Variants in ADAMTS6 observed in about 807,000 individuals in gnomAD.
The protein encoded by ADAMTS6 is ADAM metallopeptidase with thrombospondin type 1 motif 6.
ADAMTS6 carries 23 observed loss-of-function variants against 144.3 expected under a neutral mutation model. That is an observed-to-expected ratio of 0.16 (90% CI 0.11 to 0.23). The LOEUF is 0.23. Among genes scored for constraint, ADAMTS6 ranks in the 10% least tolerant of loss-of-function variants. ADAMTS6 has a pLI of 1.00. For synonymous variants in ADAMTS6, 444 were observed against 457.5 expected, an observed-to-expected ratio of 0.97 and a Z score of 0.38; for missense variants, 999 against 1,379.6, an observed-to-expected ratio of 0.72 and a Z score of 4.37.
intron 7 of ADAMTS6, among the ~76,000 whole-genome samples, chr5:65,400,918 A>G (rs1258098473): frequency 6.6e-6 from 1 of 152,120 alleles, no homozygotes; most frequent in Non-Finnish European, 1.5e-5. Flanking sequence ...TAGAATTTCC[A>G]TCTTTCTGCT....
intron 15 of ADAMTS6, among the ~76,000 whole-genome samples, chr5:65,239,217 G>A (rs145720532): frequency 2.4e-4 from 36 of 149,448 alleles, no homozygotes; most frequent in African/African-American, 8.7e-4. Flanking sequence ...GTATACATAT[G>A]TAACAAACCT....
intron 24 of ADAMTS6, among the ~76,000 whole-genome samples, chr5:65,159,671 T>C (rs1224865543): frequency 1.3e-5 from 2 of 152,256 alleles, no homozygotes; most frequent in East Asian, 3.8e-4. Flanking sequence ...CTGCTCATAT[T>C]GTCAAAATTA....
intron 7 of ADAMTS6, among the ~76,000 whole-genome samples, chr5:65,434,843 A>G (rs1757270256): frequency 6.6e-6 from 1 of 152,230 alleles, no homozygotes; most frequent in African/African-American, 2.4e-5. Flanking sequence ...CTTAGCAGAC[A>G]TAAAATGATT....
chr5:65,434,872 G>C (rs1182060179), intron 7 of ADAMTS6, among the ~76,000 whole-genome samples: 3 of 152,158 alleles, frequency 2.0e-5, no homozygotes, highest in Admixed American at 6.5e-5. Flanking sequence ...TGACCCATTA[G>C]CTCTACTTCT....
chr5:65,471,180 A>G, intron 2 of ADAMTS6, 38 bp from the exon 3 acceptor site: 1 of 1,547,962 alleles, frequency 6.5e-7, no homozygotes, highest in Non-Finnish European at 8.6e-7. Context: ...GAAAAAAAAC[A>G]CATGGAAGAA....
rs892896148 is a variant in ADAMTS6 at position 65,362,279 on chromosome 5, A to G, written c.1074-28194T>C. On this transcript the variant is annotated intron_variant, in intron 7 of 24. Coordinates refer to ENST00000381055, the MANE Select transcript of ADAMTS6 (RefSeq NM_197941.4). Reference sequence around the variant, plus strand: ...GATACCCAGTCAGTGGTAACTAGCTATATATACCATTTGGCAAGCATCTCA... The same window carrying G: ...GATACCCAGTCAGTGGTAACTAGCTGTATATACCATTTGGCAAGCATCTCA... Among the ~76,000 whole-genome samples, 3 of 152,198 alleles carry G rather than the reference A, an allele frequency of 2.0e-5. No homozygotes were observed. In the East Asian group the frequency reaches 5.8e-4, roughly 29 times the overall value.
chr5:65,247,477 T>G (rs1356868851), intron 14 of ADAMTS6, among the ~76,000 whole-genome samples: 2 of 152,178 alleles, frequency 1.3e-5, no homozygotes, highest in Non-Finnish European at 2.9e-5. Context: ...AAGAATAGGG[T>G]GACGTTGGCA....
chr5:65,212,268 C>T (rs2112315545), intron 20 of ADAMTS6, among the ~76,000 whole-genome samples: 1 of 152,174 alleles, frequency 6.6e-6, no homozygotes, highest in East Asian at 1.9e-4. Context: ...TTGAAGAAGG[C>T]AATAGCCTCA....
intron 7 of ADAMTS6, among the ~76,000 whole-genome samples, chr5:65,335,865 T>C (rs917234750): frequency 1.3e-5 from 2 of 151,756 alleles, no homozygotes; most frequent in African/African-American, 4.8e-5. Context: ...GACAAAACAG[T>C]GAATACACAT....
intron 15 of ADAMTS6, among the ~76,000 whole-genome samples, chr5:65,230,975 CA>C (rs1426596335): frequency 1.3e-5 from 2 of 148,416 alleles, no homozygotes; most frequent in Admixed American, 6.7e-5. Context: ...AATAAAGGAA[CA>C]AAAAAAGTCT....
chr5:65,372,513 C>T (rs1470149605), intron 7 of ADAMTS6, among the ~76,000 whole-genome samples: 1 of 151,630 alleles, frequency 6.6e-6, no homozygotes, highest in Non-Finnish European at 1.5e-5. Context: ...ACAAAGAAGG[C>T]CATTACGTAA....
intron 7 of ADAMTS6, among the ~76,000 whole-genome samples, chr5:65,378,370 C>G (rs989504641): frequency 2.0e-5 from 3 of 152,118 alleles, no homozygotes; most frequent in Non-Finnish European, 4.4e-5. Context: ...GCCTATCAGT[C>G]TTTCTCTTTA....
chr5:65,157,046 C>G (rs543148669), intron 24 of ADAMTS6, among the ~76,000 whole-genome samples: 3 of 152,340 alleles, frequency 2.0e-5, no homozygotes, highest in East Asian at 1.9e-4. Flanking sequence ...AAATTCTTCT[C>G]AGAGAGACTT....
intron 4 of ADAMTS6, among the ~76,000 whole-genome samples, chr5:65,459,813 T>TAGAC (rs1432095429): frequency 6.6e-5 from 10 of 152,202 alleles, no homozygotes; most frequent in Non-Finnish European, 1.2e-4. Context: ...TTCAAGTGTC[T>TAGAC]AGATTCCTGC....
rs146496456 is a variant in ADAMTS6, at chr5:65,391,312, A to G, written c.1074-57227T>C. ...TAATTTAAATTAAAATAAAGTTGCG[A>G]AAATGAAAATAGCACAAGGAATACC... On this transcript the variant is annotated intron_variant, in intron 7 of 24. Transcript: ENST00000381055. Among the ~76,000 whole-genome samples, 579 of 152,264 alleles carry G rather than the reference A, an allele frequency of 3.8e-3. 1 individual carries two copies. The highest frequency in any genetic ancestry group is 6.3e-3 in the Non-Finnish European group (428 of 68,020).
chr5:65,213,915 T>C (rs1170106414), intron 20 of ADAMTS6: 1 of 156,782 alleles, frequency 6.4e-6, no homozygotes, highest in Admixed American at 6.5e-5. Context: ...GGTGATCTAG[T>C]CCAGCCTAGG....
intron 7 of ADAMTS6, among the ~76,000 whole-genome samples, chr5:65,388,339 A>C (rs1201214187): frequency 6.6e-6 from 1 of 152,212 alleles, no homozygotes. Flanking sequence ...TATGCAGCGG[A>C]TGAAGTTGTA....
In ADAMTS6 at chr5:65,175,930, A is replaced by T. The variant is rs1753949541; in HGVS notation, c.2911-2922T>A. ...GTTAATTTGGACTGAACAAGGTCTT[A>T]TTAATAGCAAAGGATAATTGAAATC... On this transcript the variant is annotated intron_variant, in intron 22 of 24. Coordinates refer to ENST00000381055, the MANE Select transcript of ADAMTS6 (RefSeq NM_197941.4). Among the ~76,000 whole-genome samples, 4 of 152,138 alleles carry T rather than the reference A, an allele frequency of 2.6e-5. No individual in the cohort carries two copies. In the South Asian group the frequency reaches 8.3e-4, roughly 31 times the overall value.
At chr5:65,253,585 G>C (rs1760377188) in intron 14 of ADAMTS6, among the ~76,000 whole-genome samples, 2 of 152,004 alleles carry the variant, frequency 1.3e-5, no homozygotes, top group Non-Finnish European at 2.9e-5. Flanking sequence ...GCAGGAAGCT[G>C]GTTTGATAAA....
Sources: allele counts gnomAD v4.1 joint callset (sites outside exome capture counted in the v4.1 genomes callset), GRCh38; gene constraint gnomAD v4.1.1; transcripts MANE v1.5; gene names NCBI Gene and HGNC (gene_info 2026-07-23, HGNC 2026-07-21).